CMSS1: variants seen among roughly 807,000 people sequenced by gnomAD.
CMSS1 encodes cms1 ribosomal small subunit homolog.
A neutral mutation model predicts 43.5 loss-of-function variants in CMSS1; 33 were observed. That is an observed-to-expected ratio of 0.76 (90% confidence interval 0.57 to 1.01). The LOEUF (loss-of-function observed/expected upper bound fraction) is 1.01, where lower values mean the gene tolerates loss of function less well. Among genes scored for constraint, CMSS1 ranks in the 50% least tolerant of loss-of-function variants. The pLI, the probability that CMSS1 is intolerant of heterozygous loss-of-function variation, is 0.00. For missense variants in CMSS1, 313 were observed against 326.4 expected (o/e 0.96, Z 0.32); for synonymous variants, 115 against 117.2 (o/e 0.98, Z 0.12).
intron 1 of CMSS1, among the ~76,000 whole-genome samples, chr3:99,875,683 C>T (rs181898162): frequency 6.5e-4 from 99 of 152,252 alleles, no homozygotes; most frequent in African/African-American, 2.2e-3. Flanking sequence ...GCATTCTGCT[C>T]ATGTAAGACA....
chr3:100,108,994 A>T (rs1008667560), intron 1 of CMSS1, among the ~76,000 whole-genome samples: 8 of 151,790 alleles, frequency 5.3e-5, no homozygotes, highest in Non-Finnish European at 7.4e-5. Context: ...TTTTGGTCCC[A>T]TGGCTTTTTC....
chr3:99,853,253 G>A (rs952575868), intron 1 of CMSS1, among the ~76,000 whole-genome samples: 2 of 152,176 alleles, frequency 1.3e-5, no homozygotes, highest in African/African-American at 2.4e-5. Flanking sequence ...GAATTCATTC[G>A]ATGTAATGGT....
At chr3:99,830,566 G>A (rs1285571363) in intron 1 of CMSS1, 2 of 456,652 alleles carry the variant, frequency 4.4e-6, no homozygotes, top group Non-Finnish European at 8.8e-6. Context: ...TTCGGTTTAG[G>A]GATCCGTGCT....
intron 1 of CMSS1, among the ~76,000 whole-genome samples, chr3:99,979,253 AT>A (rs948156863): frequency 7.2e-5 from 11 of 152,094 alleles, no homozygotes; most frequent in Non-Finnish European, 1.5e-4. Flanking sequence ...AAACCACAAT[AT>A]TTTTTTGAAT....
chr3:100,106,240 C>T (rs375017346), intron 1 of CMSS1, among the ~76,000 whole-genome samples: 1 of 152,240 alleles, frequency 6.6e-6, no homozygotes. Flanking sequence ...AGCAGAGGTG[C>T]AAGCTTCCAG....
chr3:99,965,428 G>A (rs879042819), intron 1 of CMSS1, among the ~76,000 whole-genome samples: 7 of 152,326 alleles, frequency 4.6e-5, no homozygotes, highest in Admixed American at 4.6e-4. Context: ...GGATGTACCA[G>A]CATGTTCTTC....
At chr3:99,935,207 A>G (rs532518481) in intron 1 of CMSS1, among the ~76,000 whole-genome samples, 23 of 152,024 alleles carry the variant, frequency 1.5e-4, no homozygotes, top group Non-Finnish European at 3.2e-4. Flanking sequence ...CCAGGGGTGC[A>G]TACTAGGGTA....
intron 9 of CMSS1, 109 bp downstream of exon 9, chr3:100,176,524 A>G: frequency 1.5e-6 from 1 of 684,446 alleles, no homozygotes; most frequent in Non-Finnish European, 2.5e-6. Flanking sequence ...TTAGATTTTG[A>G]AATGATTTCT....
chr3:99,828,450 C>CT lies in CMSS1; in HGVS notation c.64+10421dup, dbSNP rs540949688. On this transcript the variant is annotated intron_variant, in intron 1 of 9. Coordinates refer to ENST00000421999, the MANE Select transcript of CMSS1 (RefSeq NM_032359.4). ...GATGTTAGAGCTTCATCACTGCACC[C>CT]TTTTTTTTTTTTTTCCCCACAAACA... Among the ~76,000 whole-genome samples, 1,053 of 137,198 alleles carry CT rather than the reference C, an allele frequency of 7.7e-3. 3 individuals carry two copies. The highest frequency in any genetic ancestry group is 9.3e-3 in the South Asian group (40 of 4,292). 90.0% of individuals were successfully genotyped at this position (137,198 alleles called of 152,430 possible).
chr3:99,911,851 A>C (rs1053381988), intron 1 of CMSS1, among the ~76,000 whole-genome samples: 1 of 152,048 alleles, frequency 6.6e-6, no homozygotes, highest in Non-Finnish European at 1.5e-5. Flanking sequence ...TCCTAGTTCC[A>C]AGCATAGTGT....
chr3:99,840,221 CTTTTTTTT>C (rs10935982), intron 1 of CMSS1, among the ~76,000 whole-genome samples: 3 of 102,144 alleles, frequency 2.9e-5, no homozygotes, highest in Non-Finnish European at 5.6e-5. Context: ...TTCGTAGAAT[CTTTTTTTT>C]TTTTTTTTTT....
intron 1 of CMSS1, chr3:99,924,489 T>C (rs1707226949): frequency 1.4e-6 from 2 of 1,383,142 alleles, no homozygotes; most frequent in African/African-American, 2.9e-5. Flanking sequence ...TGTCCCTGTT[T>C]TGATTAATTC....
At chr3:99,937,840 C>T (rs1344194593) in intron 1 of CMSS1, among the ~76,000 whole-genome samples, 1 of 152,176 alleles carries the variant, frequency 6.6e-6, no homozygotes, top group Admixed American at 6.5e-5. Flanking sequence ...AGACCTCTTA[C>T]CACATGCCAG....
chr3:100,035,092 A>C (rs2065084628), intron 1 of CMSS1, among the ~76,000 whole-genome samples: 1 of 152,142 alleles, frequency 6.6e-6, no homozygotes, highest in African/African-American at 2.4e-5. Context: ...TGTTATCATA[A>C]ATGTATATTC....
chr3:99,885,061 C>T (rs1312437293), intron 1 of CMSS1, among the ~76,000 whole-genome samples: 2 of 152,222 alleles, frequency 1.3e-5, no homozygotes, highest in Admixed American at 1.3e-4. Context: ...GCAGAGTTTC[C>T]TTTCAGCAGT....
Position 100,178,669 on chromosome 3 carries a change from G to A in CMSS1, c.*281G>A. On this transcript the variant is annotated 3_prime_UTR_variant, in exon 10 of 10. Coordinates refer to ENST00000421999, the MANE Select transcript of CMSS1 (RefSeq NM_032359.4). ...TTCTGATGTAACTGTGCAGGAGAAAGGAAAGAGCAGCTGGGTGACCTTAGG... is the reference window on the plus strand; with the variant it reads ...TTCTGATGTAACTGTGCAGGAGAAAAGAAAGAGCAGCTGGGTGACCTTAGG... 1 of 277,494 alleles carries A rather than the reference G, an allele frequency of 3.6e-6. No individual in the cohort carries two copies. The highest frequency in any genetic ancestry group is 6.1e-5 in the South Asian group (1 of 16,354). 17.2% of individuals were successfully genotyped at this position (277,494 alleles called of 1,614,324 possible).
intron 1 of CMSS1, among the ~76,000 whole-genome samples, chr3:99,877,472 C>T (rs1029306773): frequency 2.6e-5 from 4 of 152,104 alleles, no homozygotes; most frequent in Non-Finnish European, 4.4e-5. Flanking sequence ...ATTGGGAGTT[C>T]ACTTTATCAT....
chr3:100,139,561 GTGTGTATGTATATA>G (rs1461940656), intron 1 of CMSS1, among the ~76,000 whole-genome samples: 1 of 145,418 alleles, frequency 6.9e-6, no homozygotes, highest in Non-Finnish European at 1.5e-5. Context: ...GTGTGTGTGT[GTGTGTATGTATATA>G]TATGTGTATA....
intron 1 of CMSS1, among the ~76,000 whole-genome samples, chr3:100,048,049 G>A (rs2065306127): frequency 6.6e-6 from 1 of 152,092 alleles, no homozygotes; most frequent in African/African-American, 2.4e-5. Context: ...AGTAGTAAGG[G>A]ACTGTCCCAG....
Sources: gnomAD v4.1 joint callset for allele counts (sites outside exome capture counted in the v4.1 genomes callset) on GRCh38, gnomAD v4.1.1 for gene constraint, MANE v1.5 for transcripts, NCBI Gene and HGNC (gene_info 2026-07-23, HGNC 2026-07-21) for gene names.